The following TRIM44 variants were observed in gnomAD, a reference collection of about 807,000 sequenced individuals.
TRIM44 encodes tripartite motif containing 44.
A neutral mutation model predicts 37.4 loss-of-function variants in TRIM44; 13 were observed. The observed-to-expected ratio is 0.35, with a 90% confidence interval of 0.23 to 0.55. TRIM44 has a LOEUF of 0.55. Among genes scored for constraint, TRIM44 ranks in the 20% least tolerant of loss-of-function variants. The probability of loss-of-function intolerance (pLI) is 0.89; values close to 1 mark genes in which losing one functional copy is unlikely to be tolerated. For synonymous variants in TRIM44, 175 were observed against 157.2 expected, an observed-to-expected ratio of 1.11 and a Z score of -0.85; for missense variants, 426 against 437.2, an observed-to-expected ratio of 0.97 and a Z score of 0.23.
At chr11:35,804,367 G>A (rs1221708663) in intron 4 of TRIM44, among the ~76,000 whole-genome samples, 12 of 152,210 alleles carry the variant, frequency 7.9e-5, no homozygotes, top group Non-Finnish European at 1.5e-5. Flanking sequence ...AATTTGGCAA[G>A]AGAGTTGTTG....
At chr11:35,757,613 T>C (rs1426225318) in intron 4 of TRIM44, among the ~76,000 whole-genome samples, 10 of 152,262 alleles carry the variant, frequency 6.6e-5, no homozygotes, top group South Asian at 2.1e-4. Flanking sequence ...TTGGATCTTT[T>C]CTGCTTTCTC....
intron 2 of TRIM44, among the ~76,000 whole-genome samples, chr11:35,691,546 G>A (rs1333532761): frequency 6.6e-6 from 1 of 152,162 alleles, no homozygotes; most frequent in African/African-American, 2.4e-5. Flanking sequence ...ACGTGTGCAG[G>A]ACACTTACAT....
At chr11:35,799,735 G>T (rs1853340975) in intron 4 of TRIM44, among the ~76,000 whole-genome samples, 1 of 152,146 alleles carries the variant, frequency 6.6e-6, no homozygotes, top group Non-Finnish European at 1.5e-5. Context: ...AATACCAGAA[G>T]CTATCGGTGA....
intron 3 of TRIM44, among the ~76,000 whole-genome samples, chr11:35,731,297 T>C (rs989277600): frequency 1.3e-5 from 2 of 152,242 alleles, no homozygotes; most frequent in African/African-American, 4.8e-5. Context: ...CAAACTGATG[T>C]TGACTTTTGT....
intron 4 of TRIM44, among the ~76,000 whole-genome samples, chr11:35,802,592 C>T (rs1321808664): frequency 2.6e-5 from 4 of 152,172 alleles, no homozygotes; most frequent in Admixed American, 6.5e-5. Flanking sequence ...AAAGTAATTA[C>T]ATACCACAAG....
intron 1 of TRIM44, among the ~76,000 whole-genome samples, chr11:35,677,939 TGACCTGG>T (rs1329575257): frequency 6.6e-6 from 1 of 152,170 alleles, no homozygotes; most frequent in African/African-American, 2.4e-5. Flanking sequence ...TTTGAACTAG[TGACCTGG>T]GTGTAGTTAG....
intron 4 of TRIM44, among the ~76,000 whole-genome samples, chr11:35,801,504 C>T (rs1299485224): frequency 5.9e-5 from 9 of 152,156 alleles, no homozygotes. Context: ...ATTAACTTCC[C>T]CTTTATGCCC....
At chr11:35,686,373 TG>T (rs199682851) in intron 2 of TRIM44, among the ~76,000 whole-genome samples, 18 of 150,486 alleles carry the variant, frequency 1.2e-4, no homozygotes, top group East Asian at 7.8e-4. Context: ...TTTTTGTTTT[TG>T]TTTTTTTTTT....
intron 4 of TRIM44, among the ~76,000 whole-genome samples, chr11:35,752,889 CTGCA>C (rs1852576312): frequency 1.3e-5 from 2 of 152,302 alleles, no homozygotes; most frequent in South Asian, 4.1e-4. Flanking sequence ...AAACTTGCCA[CTGCA>C]TGAAAGTGTA....
intron 4 of TRIM44, among the ~76,000 whole-genome samples, chr11:35,800,640 A>G (rs1465323955): frequency 6.6e-6 from 1 of 152,180 alleles, no homozygotes. Context: ...AGTACCGGGC[A>G]TCAACCCAGT....
At position 35,813,489 on chromosome 11, in the gene TRIM44, G is replaced by C. The variant is rs930686582; in HGVS notation, c.*7104G>C. The C allele has an allele frequency of 5.9e-5, 9 of 152,120 alleles. No homozygotes were observed. The highest frequency in any genetic ancestry group is 8.8e-5 in the Non-Finnish European group (6 of 68,020). The allele number at this position is 152,120 out of a possible 1,614,324, so 9.4% of individuals were successfully genotyped here. A position where few individuals can be genotyped will look rare whatever the true frequency, so the allele number is the denominator to read the frequency against. On this transcript the variant is annotated 3_prime_UTR_variant, in exon 5 of 5. Coordinates refer to ENST00000299413, the MANE Select transcript of TRIM44 (RefSeq NM_017583.6). Reference sequence around the variant, plus strand: ...TCTTCCTTCACACATATTTCTAACTGTAAAGGAAAGAAACAGACTTTTAGA... The same window carrying C: ...TCTTCCTTCACACATATTTCTAACTCTAAAGGAAAGAAACAGACTTTTAGA...
intron 3 of TRIM44, among the ~76,000 whole-genome samples, 174 bp from the exon 4 acceptor site, chr11:35,735,252 A>G (rs1564986430): frequency 6.6e-6 from 1 of 152,180 alleles, no homozygotes; most frequent in Admixed American, 6.5e-5. Flanking sequence ...CAGTTTGAAC[A>G]TAGGATTATA....
rs1422934382 is a variant in TRIM44, at chr11:35,814,233, G to A, written c.*7848G>A. 4.6e-5 allele frequency: 7 copies of A among 152,164 alleles called. No homozygotes were observed. Among genetic ancestry groups the A allele is most frequent in the Non-Finnish European group, 8.8e-5 (6 of 68,026 alleles). 9.4% of individuals were successfully genotyped at this position (152,164 alleles called of 1,614,324 possible). A position where few individuals can be genotyped will look rare whatever the true frequency, so the allele number is the denominator to read the frequency against. Reference sequence around the variant, plus strand: ...ACTTGTATTTCTCCAGCTCTTTGCTGTAAGAAGAATAAACGTTATGTAGAT... The same window carrying A: ...ACTTGTATTTCTCCAGCTCTTTGCTATAAGAAGAATAAACGTTATGTAGAT... On this transcript the variant is annotated 3_prime_UTR_variant, in exon 5 of 5. Transcript: ENST00000299413.
Position 35,758,167 on chromosome 11 carries a change from G to A in TRIM44, c.1007+22722G>A, listed in dbSNP as rs547172415. Among the ~76,000 whole-genome samples, 348 of 152,230 alleles carry A rather than the reference G, an allele frequency of 2.3e-3. 2 individuals are homozygous for A. Among genetic ancestry groups the A allele is most frequent in the African/African-American group, 8.0e-3 (333 of 41,518 alleles). On this transcript the variant is annotated intron_variant, in intron 4 of 4. Coordinates refer to ENST00000299413, the MANE Select transcript of TRIM44 (RefSeq NM_017583.6). ...TTGTAGTTCTCTAAGGACTTGCTTTGTGAATCTGGGTGCTCCTGTATTGGG... is the reference window on the plus strand; with the variant it reads ...TTGTAGTTCTCTAAGGACTTGCTTTATGAATCTGGGTGCTCCTGTATTGGG...
chr11:35,729,942 A>G (rs1196207392), intron 3 of TRIM44, among the ~76,000 whole-genome samples: 2 of 152,206 alleles, frequency 1.3e-5, no homozygotes, highest in Non-Finnish European at 2.9e-5. Flanking sequence ...ACAGCACTAT[A>G]CCCCAGTATG....
intron 4 of TRIM44, among the ~76,000 whole-genome samples, chr11:35,792,380 T>C (rs1047799063): frequency 6.6e-6 from 1 of 152,208 alleles, no homozygotes; most frequent in Non-Finnish European, 1.5e-5. Flanking sequence ...TTAAATAGCT[T>C]TGCCAAAGTT....
chr11:35,773,131 C>T (rs1852897318), intron 4 of TRIM44, among the ~76,000 whole-genome samples: 3 of 152,130 alleles, frequency 2.0e-5, no homozygotes, highest in Admixed American at 6.6e-5. Context: ...CTCTTGCTAC[C>T]ACCATGTAAG....
rs1007726716 is a variant in TRIM44 at position 35,811,783 on chromosome 11, T to TAACA, written c.*5399_*5402dup. On this transcript the variant is annotated 3_prime_UTR_variant, in exon 5 of 5. Transcript: ENST00000299413. Reference sequence around the variant, plus strand: ...GTGGACTCTCCTCTAAATTTTCTTTTAACACATTTATCTTCATCAGACCCT... The same window carrying TAACA: ...GTGGACTCTCCTCTAAATTTTCTTTTAACAAACACATTTATCTTCATCAGACCCT... 1.4e-4 allele frequency: 22 copies of TAACA among 152,346 alleles called. No homozygotes were observed. Among genetic ancestry groups the TAACA allele is most frequent in the African/African-American group, 5.0e-4 (21 of 41,586 alleles). 9.4% of individuals were successfully genotyped at this position (152,346 alleles called of 1,614,324 possible). A position where few individuals can be genotyped will look rare whatever the true frequency, so the allele number is the denominator to read the frequency against.
In TRIM44 at chr11:35,776,901, C is replaced by T. The variant is rs183664315; in HGVS notation, c.1008-29457C>T. Among the ~76,000 whole-genome samples the T allele has an allele frequency of 1.4e-4, 22 of 152,212 alleles. No individual in the cohort carries two copies. The East Asian group carries it at 1.9e-3, about 13-fold the overall frequency. ...TATGTGGTCAATTTTGGAATAAGTG[C>T]GATGTGGTGCTGAGAAGAATGTATA... On this transcript the variant is annotated intron_variant, in intron 4 of 4. Transcript: ENST00000299413.
Sources: gnomAD v4.1 joint callset for allele counts (sites outside exome capture counted in the v4.1 genomes callset) on GRCh38, gnomAD v4.1.1 for gene constraint, MANE v1.5 for transcripts, NCBI Gene and HGNC (gene_info 2026-07-23, HGNC 2026-07-21) for gene names.